The following SHROOM3 variants were observed in gnomAD, a reference collection of about 807,000 sequenced individuals.
SHROOM3 encodes the protein protein Shroom3.
In SHROOM3, 47 loss-of-function variants were observed where a neutral mutation model predicts 138.6. The ratio of observed to expected loss-of-function variants is 0.34; its 90% CI spans 0.27 to 0.43. The LOEUF is 0.43. Among genes scored for constraint, SHROOM3 ranks in the 20% least tolerant of loss-of-function variants. SHROOM3 has a pLI of 1.00. For missense variants in SHROOM3, 2,491 were observed against 2,596.5 expected (o/e 0.96, Z 0.88); for synonymous variants, 1,062 against 1,063.3 (o/e 1.00, Z 0.02).
At chr4:76,568,492 A>G (rs6853053) in intron 2 of SHROOM3, among the ~76,000 whole-genome samples, 52,704 of 152,026 alleles carry the variant, frequency 0.35, 9,295 homozygotes, top group South Asian at 0.44. Context: ...AACTGACCAC[A>G]CTTTTCTCCT....
At chr4:76,470,684 C>T (rs989402828) in intron 1 of SHROOM3, among the ~76,000 whole-genome samples, 8 of 152,146 alleles carry the variant, frequency 5.3e-5, no homozygotes, top group African/African-American at 1.9e-4. Flanking sequence ...GCTAATGAAG[C>T]CCTTGGAAAA....
In SHROOM3 at chr4:76,566,108, C is replaced by CAAA. The variant is rs1170771360; in HGVS notation, c.323+10365_323+10367dup. 1.0e-4 allele frequency among the ~76,000 whole-genome samples: 6 copies of CAAA among 59,320 alleles called. No individual in the cohort carries two copies. The South Asian group carries it at 2.6e-3, about 26-fold the overall frequency. The allele number at this position is 59,320 out of a possible 152,430, so 38.9% of individuals were successfully genotyped here. On this transcript the variant is annotated intron_variant, in intron 2 of 10. Coordinates refer to ENST00000296043, the MANE Select transcript of SHROOM3 (RefSeq NM_020859.4). ...TGGGCGACAGAGCAAAACCCTGTCT[C>CAAA]AAAAAAAAAAAAAAAAAAAAAATCA...
At chr4:76,678,523 A>C (rs1258669432) in intron 2 of SHROOM3, among the ~76,000 whole-genome samples, 1 of 152,194 alleles carries the variant, frequency 6.6e-6, no homozygotes, top group Non-Finnish European at 1.5e-5. Flanking sequence ...ATATGTAGTC[A>C]AGACTTTATA....
At chr4:76,555,171 T>C (rs1733457731) in intron 1 of SHROOM3, among the ~76,000 whole-genome samples, 2 of 151,986 alleles carry the variant, frequency 1.3e-5, no homozygotes, top group African/African-American at 4.8e-5. Flanking sequence ...GCCAAAACCA[T>C]CCGCCCACAC....
At chr4:76,772,319 G>T (rs1301209157) in intron 10 of SHROOM3, among the ~76,000 whole-genome samples, 2 of 151,848 alleles carry the variant, frequency 1.3e-5, no homozygotes, top group East Asian at 1.9e-4. Flanking sequence ...GGCCAGGCTG[G>T]TCTCGAACTC....
At chr4:76,486,784 T>C (rs976304784) in intron 1 of SHROOM3, among the ~76,000 whole-genome samples, 1 of 152,184 alleles carries the variant, frequency 6.6e-6, no homozygotes, top group East Asian at 1.9e-4. Flanking sequence ...TGGAAATGTT[T>C]CCAGAAGTAT....
At chr4:76,627,995 TCTTC>T (rs2110070698) in intron 2 of SHROOM3, among the ~76,000 whole-genome samples, 1 of 152,370 alleles carries the variant, frequency 6.6e-6, no homozygotes, top group South Asian at 2.1e-4. Context: ...AGGTGCTTCT[TCTTC>T]CTTTCTCTAT....
chr4:76,610,525 T>G (rs185647002), intron 2 of SHROOM3, among the ~76,000 whole-genome samples: 2 of 152,302 alleles, frequency 1.3e-5, no homozygotes, highest in East Asian at 3.9e-4. Context: ...GTTGCTGAAA[T>G]AACTGCATCC....
intron 2 of SHROOM3, among the ~76,000 whole-genome samples, chr4:76,582,375 T>TAA (rs542251189): frequency 1.4e-5 from 2 of 145,912 alleles, no homozygotes; most frequent in East Asian, 2.0e-4. Context: ...ACCCAGAAAT[T>TAA]AAAAAAAAAA....
chr4:76,565,691 G>A (rs901735189), intron 2 of SHROOM3, among the ~76,000 whole-genome samples: 3 of 151,972 alleles, frequency 2.0e-5, no homozygotes, highest in Non-Finnish European at 4.4e-5. Flanking sequence ...TTGTTGCCCA[G>A]ACTGGTCTCA....
intron 2 of SHROOM3, among the ~76,000 whole-genome samples, chr4:76,676,887 G>A (rs1324729884): frequency 6.9e-6 from 1 of 145,380 alleles, no homozygotes; most frequent in African/African-American, 2.6e-5. Context: ...AGCTTGCAGT[G>A]AGCAGAGATG....
At chr4:76,638,329 A>T (rs916685671) in intron 2 of SHROOM3, among the ~76,000 whole-genome samples, 5 of 152,114 alleles carry the variant, frequency 3.3e-5, no homozygotes, top group African/African-American at 1.2e-4. Flanking sequence ...CAAAAAAATT[A>T]AAACTAAAAG....
intron 2 of SHROOM3, among the ~76,000 whole-genome samples, chr4:76,620,764 C>T (rs1209288672): frequency 2.0e-5 from 3 of 152,110 alleles, no homozygotes; most frequent in African/African-American, 4.8e-5. Flanking sequence ...AAGATGGGAA[C>T]TTAGGGTCAC....
Position 76,749,103 on chromosome 4 carries a change from A to G in SHROOM3, c.3827+13A>G, listed in dbSNP as rs780249031. 1 of 1,609,792 alleles carries G rather than the reference A, an allele frequency of 6.2e-7. No homozygotes were observed. Among genetic ancestry groups the G allele is most frequent in the Non-Finnish European group, 8.5e-7 (1 of 1,176,278 alleles). On this transcript the variant is annotated intron_variant, in intron 6 of 10. Transcript: ENST00000296043. ...GTCCTGGATCTAGGTATGTACATGT[A>G]CTTATGATGCTCTCTGCATATGAAT...
intron 6 of SHROOM3, among the ~76,000 whole-genome samples, chr4:76,751,804 A>T (rs1389847271): frequency 6.6e-6 from 1 of 152,242 alleles, no homozygotes; most frequent in Non-Finnish European, 1.5e-5. Flanking sequence ...AAAAAAACGA[A>T]AAACAACCAG....
At chr4:76,775,758 CCA>C (rs1321803489) in intron 10 of SHROOM3, among the ~76,000 whole-genome samples, 1 of 150,930 alleles carries the variant, frequency 6.6e-6, no homozygotes, top group Non-Finnish European at 1.5e-5. Context: ...TATACACACA[CCA>C]TATATATGTG....
chr4:76,653,315 G>A (rs763258667), intron 2 of SHROOM3, among the ~76,000 whole-genome samples: 3 of 151,756 alleles, frequency 2.0e-5, no homozygotes, highest in Non-Finnish European at 4.4e-5. Context: ...TGTTGGGTCT[G>A]CCCTGGCCAT....
intron 2 of SHROOM3, among the ~76,000 whole-genome samples, chr4:76,573,925 G>A (rs909881092): frequency 1.3e-5 from 2 of 151,692 alleles, no homozygotes; most frequent in Non-Finnish European, 3.0e-5. Flanking sequence ...CTTCTGTCTG[G>A]ACCTCTAGAG....
At chr4:76,757,081 G>T in intron 8 of SHROOM3, 144 bp downstream of exon 8, 1 of 1,311,066 alleles carries the variant, frequency 7.6e-7, no homozygotes, top group African/African-American at 1.4e-5. Context: ...AGTCTTGGAG[G>T]AATGGCTCTG....
Sources: allele counts gnomAD v4.1 joint callset (sites outside exome capture counted in the v4.1 genomes callset), GRCh38; gene constraint gnomAD v4.1.1; transcripts MANE v1.5; gene names NCBI Gene and HGNC (gene_info 2026-07-23, HGNC 2026-07-21).